Variants in ANK3 observed in about 807,000 individuals in gnomAD.
ANK3 encodes ankyrin-3.
In ANK3, 57 loss-of-function variants were observed where a neutral mutation model predicts 370.9. The ratio of observed to expected loss-of-function variants is 0.15; its 90% CI spans 0.12 to 0.19. ANK3 has a LOEUF of 0.19. Ranked by LOEUF, ANK3 falls within the 10% of genes least tolerant of loss-of-function variation. ANK3 has a pLI of 1.00. For synonymous variants in ANK3, 1,929 were observed against 1,946.3 expected (o/e 0.99, Z 0.23); for missense variants, 4,439 against 5,302.1 (o/e 0.84, Z 5.06).
At chr10:60,723,976 C>T (rs1199795090) in intron 1 of ANK3, among the ~76,000 whole-genome samples, 3 of 150,358 alleles carry the variant, frequency 2.0e-5, no homozygotes, top group East Asian at 2.0e-4. Flanking sequence ...TTTGGGAGGC[C>T]GAGGCGGGCT....
At chr10:60,280,564 A>G (rs1361236251) in intron 1 of ANK3, among the ~76,000 whole-genome samples, 1 of 152,198 alleles carries the variant, frequency 6.6e-6, no homozygotes, top group Non-Finnish European at 1.5e-5. Context: ...CATAGTTGAA[A>G]CCACCTACTA....
intron 8 of ANK3, among the ~76,000 whole-genome samples, chr10:60,224,725 G>A (rs966409502): frequency 3.9e-5 from 6 of 151,912 alleles, no homozygotes; most frequent in Non-Finnish European, 8.8e-5. Context: ...TTCAAGCAGA[G>A]AGAACTCTGC....
At chr10:60,251,679 G>A (rs946254503) in intron 7 of ANK3, among the ~76,000 whole-genome samples, 8 of 152,206 alleles carry the variant, frequency 5.3e-5, no homozygotes, top group Non-Finnish European at 1.2e-4. Context: ...GCAACATGCT[G>A]CCCCTGTCGG....
chr10:60,527,030 G>T lies in ANK3; in HGVS notation c.96+88156C>A, dbSNP rs149101429. On this transcript the variant is annotated intron_variant, in intron 2 of 43. Coordinates refer to the ANK3 transcript ENST00000373827. ...ATGTATACATCTAATAAATATCCAT[G>T]TCTTGCTTTTTTCACTTAAATATAT... Among the ~76,000 whole-genome samples the T allele has an allele frequency of 1.3e-4, 20 of 152,152 alleles. No individual in the cohort carries two copies. In the East Asian group the frequency reaches 3.7e-3, roughly 28 times the overall value.
chr10:60,221,660 G>A (rs1348260871), intron 8 of ANK3, among the ~76,000 whole-genome samples: 3 of 152,190 alleles, frequency 2.0e-5, no homozygotes, highest in Non-Finnish European at 4.4e-5. Flanking sequence ...AAGGTTCAAA[G>A]AAGTGAAATT....
intron 1 of ANK3, among the ~76,000 whole-genome samples, chr10:60,727,456 ACTT>A (rs890362412): frequency 4.6e-5 from 7 of 152,140 alleles, no homozygotes; most frequent in Admixed American, 3.9e-4. Context: ...ACTCAAGTAA[ACTT>A]CTCAGTTTGG....
At chr10:60,671,607 T>C (rs575670806) in intron 1 of ANK3, among the ~76,000 whole-genome samples, 1 of 152,342 alleles carries the variant, frequency 6.6e-6, no homozygotes, top group South Asian at 2.1e-4. Context: ...AGGTCAGGAA[T>C]GTGTGCCTAT....
rs146972938 is a variant in ANK3, at chr10:60,641,814, C to A, written c.58-26590G>T. Reference sequence around the variant, plus strand: ...ATTAAACTAAAGAGCTTCTGCCCAGCAAGAGAAACTACCATCAGAGTGAAC... The same window carrying A: ...ATTAAACTAAAGAGCTTCTGCCCAGAAAGAGAAACTACCATCAGAGTGAAC... On this transcript the variant is annotated intron_variant, in intron 1 of 43. Transcript: ENST00000373827. Among the ~76,000 whole-genome samples, 690 of 152,136 alleles carry A rather than the reference C, an allele frequency of 4.5e-3. 1 individual carries two copies. The highest frequency in any genetic ancestry group is 0.013 in the African/African-American group (526 of 41,492).
intron 2 of ANK3, among the ~76,000 whole-genome samples, chr10:60,603,422 G>A (rs1416970931): frequency 6.6e-6 from 1 of 151,964 alleles, no homozygotes; most frequent in Non-Finnish European, 1.5e-5. Flanking sequence ...AGAGTAAAAA[G>A]GATCTTCCTA....
chr10:60,087,495 G>A (rs144255422), intron 29 of ANK3, among the ~76,000 whole-genome samples: 1 of 152,294 alleles, frequency 6.6e-6, no homozygotes, highest in Non-Finnish European at 1.5e-5. Flanking sequence ...ACTTAAGTAT[G>A]CTTGGCTCAA....
chr10:60,684,773 C>A (rs1414158896), intron 1 of ANK3: 2 of 1,559,274 alleles, frequency 1.3e-6, no homozygotes, highest in Non-Finnish European at 1.8e-6. Flanking sequence ...AAGTCATATA[C>A]CAGATGCACA....
At chr10:60,690,352 C>T (rs900960174) in intron 1 of ANK3, among the ~76,000 whole-genome samples, 8 of 152,112 alleles carry the variant, frequency 5.3e-5, no homozygotes, top group Non-Finnish European at 1.2e-4. Context: ...CTTGACAAGA[C>T]GGTTCCTGGA....
upstream of ANK3, among the ~76,000 whole-genome samples, chr10:60,390,438 C>A (rs1328077034): frequency 2.0e-5 from 3 of 152,110 alleles, no homozygotes; most frequent in African/African-American, 7.2e-5. Flanking sequence ...TTCTGAGTCA[C>A]TGAAATGCAG....
chr10:60,396,681 C>T (rs536309599), intron 2 of ANK3, among the ~76,000 whole-genome samples: 2 of 152,088 alleles, frequency 1.3e-5, no homozygotes, highest in Non-Finnish European at 2.9e-5. Context: ...TCTGATAATT[C>T]AATAAACTCT....
chr10:60,072,762 C>G lies in ANK3; in HGVS notation c.8119G>C (p.Gly2707Arg). 6.2e-7 allele frequency: 1 copy of G among 1,614,096 alleles called. No individual in the cohort carries two copies. Among genetic ancestry groups the G allele is most frequent in the Non-Finnish European group, 8.5e-7 (1 of 1,180,010 alleles). Residue 2707 changes from glycine to arginine, a missense_variant, in exon 37 of 44, where the codon GGA becomes CGA. This residue lies in a region of ANK3 where 1,601 missense variants were observed against 1,731.7 expected (regional missense o/e 0.92). Transcript: ENST00000280772. ...AGTTTAGATTGTTTGAGCTGGAATC[C>G]AGACTGGGGCCCATCTGGTGCTTTG... ...QSKAPDGPQS[G>R]FQLKQSKLSS...
rs371919605 is a variant in ANK3 at position 60,143,953 on chromosome 10, G to C, written c.2615-4866C>G. 1.7e-3 allele frequency among the ~76,000 whole-genome samples: 266 copies of C among 152,222 alleles called. 2 individuals carry two copies. The highest frequency in any genetic ancestry group is 6.0e-3 in the African/African-American group (248 of 41,530). ...CTGCTTAGAACCAGGGAAAGAGAGA[G>C]ACAAAAAGAGAGTCAAAGAGAGAGA... On this transcript the variant is annotated intron_variant, in intron 23 of 43. Coordinates refer to ENST00000280772, the MANE Select transcript of ANK3 (RefSeq NM_020987.5).
At chr10:60,297,234 TC>T (rs2132782009) in intron 1 of ANK3, among the ~76,000 whole-genome samples, 1 of 152,282 alleles carries the variant, frequency 6.6e-6, no homozygotes, top group East Asian at 1.9e-4. Context: ...TTGCCATCAC[TC>T]ACCGTCACTT....
chr10:60,067,857 A>T, intron 38 of ANK3, 78 bp downstream of exon 38: 1 of 1,158,530 alleles, frequency 8.6e-7, no homozygotes, highest in Non-Finnish European at 1.2e-6. Context: ...TTTTTAAAAT[A>T]TATATATTGA....
At chr10:60,355,036 A>T (rs1465807477) in intron 1 of ANK3, among the ~76,000 whole-genome samples, 1 of 152,166 alleles carries the variant, frequency 6.6e-6, no homozygotes, top group Non-Finnish European at 1.5e-5. Context: ...TTTTATCAAG[A>T]CTATTTATAG....
Sources: gnomAD v4.1 joint callset for allele counts (sites outside exome capture counted in the v4.1 genomes callset) on GRCh38, gnomAD v4.1.1 for gene constraint, gnomAD v4.1.1 regional missense constraint, MANE v1.5 for transcripts, NCBI Gene and HGNC (gene_info 2026-07-23, HGNC 2026-07-21) for gene names.